Variants in TLK2 observed in about 807,000 individuals in gnomAD.
The protein encoded by TLK2 is serine/threonine-protein kinase tousled-like 2.
TLK2 carries 6 observed loss-of-function variants against 117.3 expected under a neutral mutation model. The ratio of observed to expected loss-of-function variants is 0.05; its 90% CI spans 0.03 to 0.10. The LOEUF is 0.10. TLK2 is among the 10% of genes least tolerant of loss of function. The pLI is 1.00. For synonymous variants in TLK2, 257 were observed against 316.7 expected (o/e 0.81, Z 2.00); for missense variants, 299 against 901.2 (o/e 0.33, Z 8.56).
intron 11 of TLK2, among the ~76,000 whole-genome samples, chr17:62,569,168 G>T (rs926698806): frequency 6.6e-6 from 1 of 151,372 alleles, no homozygotes; most frequent in East Asian, 2.1e-4. Context: ...AGCCGGGCAT[G>T]GTGGCGTGCA....
At position 62,609,476 on chromosome 17, in the gene TLK2, C is replaced by T. The variant is rs375571293; in HGVS notation, c.2079+1328C>T. Among the ~76,000 whole-genome samples the T allele has an allele frequency of 6.6e-5, 10 of 152,280 alleles. No homozygotes were observed. In the East Asian group the frequency reaches 1.2e-3, roughly 18 times the overall value. On this transcript the variant is annotated intron_variant, in intron 21 of 21. Coordinates refer to ENST00000346027, the MANE Select transcript of TLK2 (RefSeq NM_006852.6). ...ATAGGTTAGGAAAGAACCTCTTTTCCAAGTGGTTTAGCTGCCATGTCACAG... is the reference window on the plus strand; with the variant it reads ...ATAGGTTAGGAAAGAACCTCTTTTCTAAGTGGTTTAGCTGCCATGTCACAG...
chr17:62,534,787 A>C (rs1032382796), intron 6 of TLK2, among the ~76,000 whole-genome samples: 1 of 151,196 alleles, frequency 6.6e-6, no homozygotes, highest in Non-Finnish European at 1.5e-5. Flanking sequence ...TCTAGCTTTA[A>C]TTGAAAGGGT....
intron 16 of TLK2, among the ~76,000 whole-genome samples, chr17:62,596,111 C>T (rs1037229186): frequency 6.6e-6 from 1 of 152,134 alleles, no homozygotes; most frequent in African/African-American, 2.4e-5. Context: ...TAGAGTCTCG[C>T]TCTGTCACCA....
chr17:62,527,390 G>A (rs1393441428), intron 6 of TLK2, among the ~76,000 whole-genome samples: 2 of 152,042 alleles, frequency 1.3e-5, no homozygotes, highest in Non-Finnish European at 2.9e-5. Context: ...TAAGTCTACA[G>A]TTCGCATGAA....
intron 2 of TLK2, among the ~76,000 whole-genome samples, chr17:62,500,756 T>C (rs1187791590): frequency 1.3e-5 from 2 of 152,196 alleles, no homozygotes; most frequent in African/African-American, 4.8e-5. Flanking sequence ...AAATGTGTAG[T>C]GTCTACTCTG....
At chr17:62,565,953 TC>T (rs2079752158) in intron 11 of TLK2, among the ~76,000 whole-genome samples, 1 of 152,196 alleles carries the variant, frequency 6.6e-6, no homozygotes, top group African/African-American at 2.4e-5. Context: ...GAGAGTCACT[TC>T]CTGGAAGGCA....
chr17:62,612,784 C>T lies in TLK2; in HGVS notation c.*219C>T, dbSNP rs547004643. 3 of 378,172 alleles carry T rather than the reference C, an allele frequency of 7.9e-6. No homozygotes were observed. Among genetic ancestry groups the T allele is most frequent in the Admixed American group, 9.2e-5 (2 of 21,790 alleles). 23.4% of individuals were successfully genotyped at this position (378,172 alleles called of 1,614,324 possible). A position where few individuals can be genotyped will look rare whatever the true frequency, so the allele number is the denominator to read the frequency against. On this transcript the variant is annotated 3_prime_UTR_variant, in exon 22 of 22. Transcript: ENST00000346027. ...GGCCAGGCCTTGTAGGAAAAGGCCCCGCCCGAGGTTCCAGCGTCAACGGCC... is the reference window on the plus strand; with the variant it reads ...GGCCAGGCCTTGTAGGAAAAGGCCCTGCCCGAGGTTCCAGCGTCAACGGCC...
chr17:62,489,747 T>C (rs1388193981), intron 2 of TLK2, among the ~76,000 whole-genome samples: 1 of 152,218 alleles, frequency 6.6e-6, no homozygotes, highest in Admixed American at 6.5e-5. Flanking sequence ...ACATTTTGCA[T>C]TATTAGTGTC....
At chr17:62,597,716 A>G (rs995138472) in intron 17 of TLK2, among the ~76,000 whole-genome samples, 1 of 152,196 alleles carries the variant, frequency 6.6e-6, no homozygotes, top group African/African-American at 2.4e-5. Flanking sequence ...TTTTCATTTT[A>G]TAGGTGGATT....
chr17:62,553,228 A>G (rs962962350), intron 8 of TLK2, among the ~76,000 whole-genome samples: 3 of 152,118 alleles, frequency 2.0e-5, no homozygotes, highest in Admixed American at 6.5e-5. Flanking sequence ...TGTACAGTTC[A>G]GTTAGATAGT....
At chr17:62,520,645 C>T (rs1313939887) in intron 2 of TLK2, 128 bp from the exon 3 acceptor site, 6 of 848,280 alleles carry the variant, frequency 7.1e-6, no homozygotes, top group Non-Finnish European at 1.0e-5. Context: ...CCATTGTATT[C>T]CAGCCGGGGT....
At chr17:62,490,936 T>C (rs1477889693) in intron 2 of TLK2, among the ~76,000 whole-genome samples, 1 of 152,200 alleles carries the variant, frequency 6.6e-6, no homozygotes, top group Non-Finnish European at 1.5e-5. Context: ...GCGACAGGAC[T>C]TCATCCCCAG....
At chr17:62,497,214 G>A (rs2073789396) in intron 2 of TLK2, among the ~76,000 whole-genome samples, 2 of 152,000 alleles carry the variant, frequency 1.3e-5, no homozygotes, top group Admixed American at 6.6e-5. Context: ...AAGCCAGAGT[G>A]AGTTGTATAT....
intron 6 of TLK2, among the ~76,000 whole-genome samples, chr17:62,531,164 G>T (rs2076714177): frequency 6.6e-6 from 1 of 152,092 alleles, no homozygotes; most frequent in Non-Finnish European, 1.5e-5. Context: ...TTGTCTCTTT[G>T]AATATTATCT....
At chr17:62,576,642 A>G in intron 12 of TLK2, 67 bp from the exon 13 acceptor site, 1 of 1,212,022 alleles carries the variant, frequency 8.3e-7, no homozygotes, top group Non-Finnish European at 1.2e-6. Flanking sequence ...ATATTTGAGC[A>G]TTTCTCTTTA....
At chr17:62,498,681 G>A (rs893985310) in intron 2 of TLK2, among the ~76,000 whole-genome samples, 1 of 152,058 alleles carries the variant, frequency 6.6e-6, no homozygotes, top group African/African-American at 2.4e-5. Flanking sequence ...ATGAGCCACC[G>A]GGCCTAGCCA....
At chr17:62,602,524 G>A (rs867965573) in intron 19 of TLK2, among the ~76,000 whole-genome samples, 2 of 152,002 alleles carry the variant, frequency 1.3e-5, no homozygotes, top group African/African-American at 2.4e-5. Flanking sequence ...AAATCTTTCC[G>A]TCCAAATACA....
intron 7 of TLK2, among the ~76,000 whole-genome samples, chr17:62,544,227 C>G (rs942645578): frequency 2.0e-5 from 3 of 152,170 alleles, no homozygotes; most frequent in African/African-American, 7.2e-5. Flanking sequence ...AAAGAACTAC[C>G]TGAGACTGGG....
At chr17:62,548,240 A>ATATATATATGTGTG (rs368516607) in intron 7 of TLK2, among the ~76,000 whole-genome samples, 27 of 121,234 alleles carry the variant, frequency 2.2e-4, no homozygotes, top group Non-Finnish European at 4.3e-4. Flanking sequence ...ATATATATAT[A>ATATATATATGTGTG]TGTGTGTGTG....
Sources: gnomAD v4.1 joint callset for allele counts (sites outside exome capture counted in the v4.1 genomes callset) on GRCh38, gnomAD v4.1.1 for gene constraint, MANE v1.5 for transcripts, NCBI Gene and HGNC (gene_info 2026-07-23, HGNC 2026-07-21) for gene names.